EDIL3: variants seen among roughly 807,000 people sequenced by gnomAD.
EDIL3 encodes EGF like and discoidin domains 3.
A neutral mutation model predicts 67.4 loss-of-function variants in EDIL3; 37 were observed. That is an observed-to-expected ratio of 0.55 (90% CI 0.42 to 0.72). The LOEUF is 0.72. Among genes scored for constraint, EDIL3 ranks in the 30% least tolerant of loss-of-function variants. The pLI, the probability that EDIL3 is intolerant of heterozygous loss-of-function variation, is 0.00. For synonymous variants in EDIL3, 195 were observed against 196.3 expected (o/e 0.99, Z 0.05); for missense variants, 527 against 586.3 (o/e 0.90, Z 1.04).
intron 1 of EDIL3, among the ~76,000 whole-genome samples, chr5:84,319,037 C>T (rs1049750999): frequency 6.6e-6 from 1 of 152,114 alleles, no homozygotes; most frequent in Non-Finnish European, 1.5e-5. Context: ...ATGCAGCCAA[C>T]AGACATATGA....
At chr5:83,984,700 A>T (rs1745029130) in intron 9 of EDIL3, among the ~76,000 whole-genome samples, 1 of 151,974 alleles carries the variant, frequency 6.6e-6, no homozygotes, top group South Asian at 2.1e-4. Context: ...AGCCAGGCAG[A>T]TCATTATGTT....
At chr5:84,228,626 T>G (rs1421959200) in intron 3 of EDIL3, among the ~76,000 whole-genome samples, 1 of 152,178 alleles carries the variant, frequency 6.6e-6, no homozygotes, top group Non-Finnish European at 1.5e-5. Flanking sequence ...CTGATTCCAT[T>G]TCAAAGGCAG....
chr5:84,356,194 TTG>T (rs138011339), intron 1 of EDIL3, among the ~76,000 whole-genome samples: 2,604 of 152,272 alleles, frequency 0.017, 85 homozygotes, highest in African/African-American at 0.06. Flanking sequence ...TGGGAGGAAA[TTG>T]TGATTCAGTT....
At chr5:84,364,560 A>G (rs1747688391) in intron 1 of EDIL3, among the ~76,000 whole-genome samples, 1 of 152,168 alleles carries the variant, frequency 6.6e-6, no homozygotes, top group South Asian at 2.1e-4. Context: ...GGGATTTAGC[A>G]AATACAGGTA....
intron 9 of EDIL3, among the ~76,000 whole-genome samples, chr5:84,034,177 TAGA>T: frequency 6.6e-6 from 1 of 152,344 alleles, no homozygotes; most frequent in East Asian, 1.9e-4. Context: ...TTACTAAAAT[TAGA>T]AGAGCCACAC....
chr5:84,291,991 GA>G (rs1445825742), intron 1 of EDIL3, among the ~76,000 whole-genome samples: 1 of 150,580 alleles, frequency 6.6e-6, no homozygotes, highest in Non-Finnish European at 1.5e-5. Context: ...CATTAAAAAA[GA>G]AAAAAAACTC....
At chr5:84,364,030 G>A (rs1747675199) in intron 1 of EDIL3, among the ~76,000 whole-genome samples, 1 of 151,858 alleles carries the variant, frequency 6.6e-6, no homozygotes, top group Non-Finnish European at 1.5e-5. Context: ...CATCTTAATG[G>A]GTACAGTAAA....
At chr5:84,133,464 C>CAAAAAAAAAAAAA (rs5869210) in intron 5 of EDIL3, among the ~76,000 whole-genome samples, 6 of 86,538 alleles carry the variant, frequency 6.9e-5, no homozygotes, top group Admixed American at 1.5e-4. Context: ...ACTAAAAATA[C>CAAAAAAAAAAAAA]AAAAAAAAAA....
At chr5:84,246,176 C>T (rs1283443038) in intron 2 of EDIL3, among the ~76,000 whole-genome samples, 1 of 152,190 alleles carries the variant, frequency 6.6e-6, no homozygotes, top group Non-Finnish European at 1.5e-5. Context: ...AAACTAGCCA[C>T]AAACTCCTCC....
At chr5:84,272,992 C>T (rs1171834857) in intron 1 of EDIL3, among the ~76,000 whole-genome samples, 1 of 152,038 alleles carries the variant, frequency 6.6e-6, no homozygotes, top group Non-Finnish European at 1.5e-5. Context: ...GTGTCTCAAC[C>T]TCTGTTTCTC....
intron 6 of EDIL3, among the ~76,000 whole-genome samples, chr5:84,099,970 A>G (rs1747332109): frequency 6.6e-6 from 1 of 151,246 alleles, no homozygotes; most frequent in African/African-American, 2.4e-5. Context: ...AAATCATATG[A>G]AAAAAAAAGC....
chr5:84,054,259 C>T (rs920067119), intron 9 of EDIL3, among the ~76,000 whole-genome samples: 2 of 152,130 alleles, frequency 1.3e-5, no homozygotes, highest in African/African-American at 2.4e-5. Context: ...ATTTCAACAA[C>T]TCTTCATGCT....
chr5:84,195,078 T>C (rs1743677760), intron 3 of EDIL3, among the ~76,000 whole-genome samples: 1 of 151,914 alleles, frequency 6.6e-6, no homozygotes, highest in African/African-American at 2.4e-5. Context: ...AAGTAAAATA[T>C]GCTGATTAAA....
chr5:84,150,342 A>G (rs1305982996), intron 4 of EDIL3, among the ~76,000 whole-genome samples: 1 of 152,202 alleles, frequency 6.6e-6, no homozygotes, highest in African/African-American at 2.4e-5. Context: ...TTTTAAGAGA[A>G]TTAAAAGACA....
chr5:84,055,575 T>C (rs1295768995), intron 9 of EDIL3, among the ~76,000 whole-genome samples: 1 of 151,950 alleles, frequency 6.6e-6, no homozygotes, highest in Admixed American at 6.6e-5. Flanking sequence ...AAAGGGCTAA[T>C]ATCCAGAATC....
intron 1 of EDIL3, among the ~76,000 whole-genome samples, chr5:84,321,119 C>G: frequency 6.6e-6 from 1 of 152,184 alleles, no homozygotes; most frequent in African/African-American, 2.4e-5. Context: ...TACATGTTTA[C>G]CTTTTTATTT....
intron 1 of EDIL3, 39 bp downstream of exon 1, chr5:84,384,269 C>G: frequency 6.2e-7 from 1 of 1,601,626 alleles, no homozygotes; most frequent in Non-Finnish European, 8.5e-7. Context: ...GGACTCCCAG[C>G]CCATCCCTCA....
intron 3 of EDIL3, among the ~76,000 whole-genome samples, chr5:84,196,486 T>C (rs543680957): frequency 6.6e-6 from 1 of 152,062 alleles, no homozygotes; most frequent in Non-Finnish European, 1.5e-5. Context: ...TAACATAGCA[T>C]GTAATTTATT....
At chr5:84,045,523 AT>A (rs1462869548) in intron 9 of EDIL3, among the ~76,000 whole-genome samples, 2 of 152,154 alleles carry the variant, frequency 1.3e-5, no homozygotes, top group Admixed American at 6.5e-5. Context: ...TGAAAAAAAA[AT>A]GTACATCTAT....
Sources: gnomAD v4.1 joint callset for allele counts (sites outside exome capture counted in the v4.1 genomes callset) on GRCh38, gnomAD v4.1.1 for gene constraint, MANE v1.5 for transcripts, NCBI Gene and HGNC (gene_info 2026-07-23, HGNC 2026-07-21) for gene names.